Variants in NPL observed in about 807,000 individuals in gnomAD.
NPL encodes N-acetylneuraminate lyase.
NPL carries 32 observed loss-of-function variants against 41.1 expected under a neutral mutation model. The ratio of observed to expected loss-of-function variants is 0.78; its 90% CI spans 0.59 to 1.05. NPL has a LOEUF of 1.05. Ranked by LOEUF, NPL falls within the 50% of genes least tolerant of loss-of-function variation. NPL has a pLI of 0.00. For missense variants in NPL, 321 were observed against 378.4 expected, an observed-to-expected ratio of 0.85 and a Z score of 1.26; for synonymous variants, 128 against 134.9, an observed-to-expected ratio of 0.95 and a Z score of 0.35.
chr1:182,822,087 C>A (rs760819750), intron 10 of NPL, 28 bp from the exon 11 acceptor site: 10 of 1,398,806 alleles, frequency 7.1e-6, no homozygotes, highest in East Asian at 2.3e-5. Flanking sequence ...AGTTATTGAA[C>A]CTGCAGTATT....
At chr1:182,821,225 T>C (rs10911143) in intron 10 of NPL, among the ~76,000 whole-genome samples, 1 of 152,174 alleles carries the variant, frequency 6.6e-6, no homozygotes, top group Non-Finnish European at 1.5e-5. Flanking sequence ...AGATAAATAC[T>C]TTTTCTGATA....
At chr1:182,814,920 A>G in intron 7 of NPL, 62 bp downstream of exon 7, 1 of 1,308,726 alleles carries the variant, frequency 7.6e-7, no homozygotes, top group East Asian at 2.3e-5. Flanking sequence ...GCCTCCATTC[A>G]AAATGGTTAT....
chr1:182,818,365 AT>A (rs1286723990), intron 8 of NPL, among the ~76,000 whole-genome samples, 175 bp from the exon 9 acceptor site: 2 of 152,198 alleles, frequency 1.3e-5, no homozygotes, highest in Non-Finnish European at 2.9e-5. Flanking sequence ...GAAGTTTAGC[AT>A]TATAATTGGA....
chr1:182,806,227 G>A lies in NPL; in HGVS notation c.225G>A (p.Lys75=). ...CAGAGGAGTGGGTGACAAAAGGGAAGGACAAGTGAGTGGCTGCATGAGGAT... is the reference window on the plus strand; with the variant it reads ...CAGAGGAGTGGGTGACAAAAGGGAAAGACAAGTGAGTGGCTGCATGAGGAT... ...QVAEEWVTKG[K]DKLDQVIIHV... Residue 75 remains lysine, a synonymous_variant, in exon 5 of 13, where the codon AAG becomes AAA. Coordinates refer to ENST00000367553, the MANE Select transcript of NPL (RefSeq NM_030769.3). The A allele has an allele frequency of 7.4e-6, 12 of 1,614,194 alleles. No individual in the cohort carries two copies. Among genetic ancestry groups the A allele is most frequent in the Non-Finnish European group, 9.3e-6 (11 of 1,180,042 alleles).
intron 12 of NPL, chr1:182,826,334 G>A (rs1216108505): frequency 2.5e-5 from 4 of 160,894 alleles, no homozygotes; most frequent in Admixed American, 2.4e-4. Context: ...TTTGAGTAGA[G>A]AAACCGCTCC....
At chr1:182,825,493 A>G (rs920416628) in intron 11 of NPL, among the ~76,000 whole-genome samples, 2 of 152,226 alleles carry the variant, frequency 1.3e-5, no homozygotes, top group African/African-American at 2.4e-5. Context: ...TATGTAAGCC[A>G]GATGGATAAG....
intron 3 of NPL, among the ~76,000 whole-genome samples, chr1:182,794,702 G>A (rs749005136): frequency 2.0e-5 from 3 of 152,220 alleles, no homozygotes; most frequent in Non-Finnish European, 4.4e-5. Context: ...TTCTCCCAGT[G>A]TCTGTAGCAC....
chr1:182,796,440 C>T (rs1666669064), intron 3 of NPL, among the ~76,000 whole-genome samples: 1 of 152,118 alleles, frequency 6.6e-6, no homozygotes, highest in Non-Finnish European at 1.5e-5. Context: ...GAATCTAATA[C>T]CTGGAAATAC....
intron 10 of NPL, among the ~76,000 whole-genome samples, chr1:182,820,659 T>C (rs1001076226): frequency 3.3e-5 from 5 of 152,162 alleles, no homozygotes; most frequent in African/African-American, 1.2e-4. Flanking sequence ...AGGCACATCT[T>C]ACATGGCCAG....
At chr1:182,827,620 AT>A (rs980260380) in intron 12 of NPL, among the ~76,000 whole-genome samples, 1 of 151,722 alleles carries the variant, frequency 6.6e-6, no homozygotes, top group African/African-American at 2.4e-5. Context: ...AAATATATAT[AT>A]TTTTTTCAGT....
At chr1:182,812,732 C>T (rs1667211946) in intron 6 of NPL, among the ~76,000 whole-genome samples, 1 of 151,972 alleles carries the variant, frequency 6.6e-6, no homozygotes, top group Non-Finnish European at 1.5e-5. Flanking sequence ...TCTGGGTACA[C>T]TCTTTAGCCA....
At chr1:182,792,095 A>G (rs528645260) in intron 1 of NPL, 137 bp from the exon 2 acceptor site, 4 of 152,386 alleles carry the variant, frequency 2.6e-5, no homozygotes, top group East Asian at 1.9e-4. Context: ...TCCTATACAC[A>G]TCAGGCAAGA....
At chr1:182,797,870 C>G (rs1253164674) in intron 3 of NPL, among the ~76,000 whole-genome samples, 1 of 152,184 alleles carries the variant, frequency 6.6e-6, no homozygotes, top group Non-Finnish European at 1.5e-5. Context: ...TATACAAGAA[C>G]TGAGAAATTA....
chr1:182,820,944 C>T (rs905140197), intron 10 of NPL, among the ~76,000 whole-genome samples: 2 of 152,242 alleles, frequency 1.3e-5, no homozygotes, highest in African/African-American at 4.8e-5. Context: ...GTCCTCCATA[C>T]TAGGCATTTT....
At chr1:182,816,215 G>T (rs1667327193) in intron 7 of NPL, among the ~76,000 whole-genome samples, 1 of 152,074 alleles carries the variant, frequency 6.6e-6, no homozygotes, top group Non-Finnish European at 1.5e-5. Context: ...CTCCCCAAAG[G>T]GAAAAGTACC....
Position 182,829,530 on chromosome 1 carries a change from G to T in NPL, c.*622G>T. 6.6e-7 allele frequency: 1 copy of T among 1,516,628 alleles called. No individual in the cohort carries two copies. Among genetic ancestry groups the T allele is most frequent in the South Asian group, 1.2e-5 (1 of 81,834 alleles). 93.9% of individuals were successfully genotyped at this position (1,516,628 alleles called of 1,614,324 possible). On this transcript the variant is annotated 3_prime_UTR_variant, in exon 13 of 13. Transcript: ENST00000367553. Reference sequence around the variant, plus strand: ...GTTTCAGTTCCTATAACTAAGTAAAGGGCGGCTTTCTCATAACAAAGGAAA... The same window carrying T: ...GTTTCAGTTCCTATAACTAAGTAAATGGCGGCTTTCTCATAACAAAGGAAA...
At chr1:182,811,134 C>T (rs1200958945) in intron 5 of NPL, among the ~76,000 whole-genome samples, 1 of 152,160 alleles carries the variant, frequency 6.6e-6, no homozygotes, top group Non-Finnish European at 1.5e-5. Flanking sequence ...ATATCATTTA[C>T]TTACAAAAAT....
Position 182,794,937 on chromosome 1 carries a change from A to T in NPL, c.68+498A>T, listed in dbSNP as rs188053658. Among the ~76,000 whole-genome samples, 10 of 152,154 alleles carry T rather than the reference A, an allele frequency of 6.6e-5. No homozygotes were observed. In the East Asian group the frequency reaches 9.7e-4, roughly 15 times the overall value. ...AAGTGGGAGGTTATCTGCAAGATGG[A>T]CTCTTTTTTCCTGTTTACAGCCTCA... On this transcript the variant is annotated intron_variant, in intron 3 of 12. Coordinates refer to ENST00000367553, the MANE Select transcript of NPL (RefSeq NM_030769.3).
chr1:182,818,860 G>C lies in NPL; in HGVS notation c.653+1G>C, dbSNP rs758810559. 6.2e-7 allele frequency: 1 copy of C among 1,613,978 alleles called. No individual in the cohort carries two copies. The highest frequency in any genetic ancestry group is 1.1e-5 in the South Asian group (1 of 91,082). Reference sequence around the variant, plus strand: ...TGGGAGCAACTGGAGCAGTGGGCAGGTAAGCATGACTCATTTTTCCCAGTG... The same window carrying C: ...TGGGAGCAACTGGAGCAGTGGGCAGCTAAGCATGACTCATTTTTCCCAGTG... On this transcript the variant is annotated splice_donor_variant, in intron 10 of 12. Transcript: ENST00000367553. LOFTEE classifies it high-confidence loss of function.
Sources: allele counts gnomAD v4.1 joint callset (sites outside exome capture counted in the v4.1 genomes callset), GRCh38; gene constraint gnomAD v4.1.1; transcripts MANE v1.5; gene names NCBI Gene and HGNC (gene_info 2026-07-23, HGNC 2026-07-21).